The following ATAD2 variants were observed in gnomAD, a reference collection of about 807,000 sequenced individuals.
The protein encoded by ATAD2 is ATPase family AAA domain containing 2, also known as ATPase family AAA domain-containing protein 2.
ATAD2 carries 62 observed loss-of-function variants against 168.9 expected under a neutral mutation model. That is an observed-to-expected ratio of 0.37 (90% CI 0.30 to 0.45). The LOEUF is 0.45. Ranked by LOEUF, ATAD2 falls within the 20% of genes least tolerant of loss-of-function variation. ATAD2 has a pLI of 1.00. For synonymous variants in ATAD2, 613 were observed against 571.6 expected, an observed-to-expected ratio of 1.07 and a Z score of -1.03; for missense variants, 1,419 against 1,667.8, an observed-to-expected ratio of 0.85 and a Z score of 2.60.
intron 1 of ATAD2, among the ~76,000 whole-genome samples, chr8:123,389,982 ATAT>A (rs1435831355): frequency 5.3e-4 from 59 of 110,850 alleles, no homozygotes; most frequent in African/African-American, 1.5e-3. Context: ...ATATATATAT[ATAT>A]TTTTTTTTTT....
chr8:123,343,266 G>A (rs796733829), intron 19 of ATAD2, among the ~76,000 whole-genome samples: 8 of 152,054 alleles, frequency 5.3e-5, no homozygotes, highest in African/African-American at 1.7e-4. Flanking sequence ...GTGAACCACC[G>A]CATCCGGCCA....
intron 5 of ATAD2, 35 bp from the exon 6 acceptor site, chr8:123,371,025 G>A: frequency 6.9e-7 from 1 of 1,448,402 alleles, no homozygotes. Context: ...TTAACATTTG[G>A]AATCTATTTA....
chr8:123,411,292 G>A (rs1183513720), intron 1 of ATAD2, among the ~76,000 whole-genome samples: 1 of 152,106 alleles, frequency 6.6e-6, no homozygotes, highest in Non-Finnish European at 1.5e-5. Context: ...GCTAGCCCAT[G>A]CTCCGATGTT....
At chr8:123,337,053 CAAA>C (rs58960333) in intron 21 of ATAD2, among the ~76,000 whole-genome samples, 19 of 61,998 alleles carry the variant, frequency 3.1e-4, no homozygotes, top group Admixed American at 5.0e-4. Flanking sequence ...ACCCTTACTA[CAAA>C]AAAAAAAAAA....
Position 123,328,555 on chromosome 8 carries a change from T to C in ATAD2, c.3503A>G (p.Lys1168Arg). The C allele has an allele frequency of 6.5e-7, 1 of 1,540,996 alleles. No individual in the cohort carries two copies. Among genetic ancestry groups the C allele is most frequent in the South Asian group, 1.3e-5 (1 of 79,050 alleles). ...TPAQLKRKIR[K>R]KSNWYLGTIK... is the part of the protein sequence containing the mutation. ...GGTGCCTAAGTACCAGTTTGACTTTTTGCGAATTTTCCTCTTCAACTGAGC... is the reference window on the plus strand; with the variant it reads ...GGTGCCTAAGTACCAGTTTGACTTTCTGCGAATTTTCCTCTTCAACTGAGC... The change falls in exon 25 of 28, where the codon AAA becomes AGA. Residue 1168 changes from lysine to arginine, a missense_variant. Coordinates refer to ENST00000287394, the MANE Select transcript of ATAD2 (RefSeq NM_014109.4).
chr8:123,329,247 G>T (rs1206822255), intron 24 of ATAD2, among the ~76,000 whole-genome samples: 1 of 152,094 alleles, frequency 6.6e-6, no homozygotes, highest in Admixed American at 6.6e-5. Flanking sequence ...CACTTATTGA[G>T]CATTTATCAT....
At chr8:123,359,511 T>C (rs1828747609) in intron 10 of ATAD2, 66 bp downstream of exon 10, 1 of 1,451,526 alleles carries the variant, frequency 6.9e-7, no homozygotes, top group African/African-American at 1.4e-5. Context: ...GGTTCCTTTT[T>C]TTAACTTTAA....
chr8:123,408,617 A>G (rs1243897105), intron 1 of ATAD2, among the ~76,000 whole-genome samples: 1 of 152,088 alleles, frequency 6.6e-6, no homozygotes, highest in African/African-American at 2.4e-5. Flanking sequence ...CTGGGGTTCA[A>G]GCTATTCTCC....
At chr8:123,411,986 G>C (rs1168598932) in intron 1 of ATAD2, among the ~76,000 whole-genome samples, 1 of 152,166 alleles carries the variant, frequency 6.6e-6, no homozygotes, top group Non-Finnish European at 1.5e-5. Flanking sequence ...GATCCTGTGA[G>C]CATCTTTTGG....
chr8:123,344,788 A>T, intron 19 of ATAD2, 96 bp downstream of exon 19: 2 of 1,334,054 alleles, frequency 1.5e-6, no homozygotes, highest in Non-Finnish European at 2.1e-6. Context: ...CCTTTTATTC[A>T]CTTCTACAGC....
chr8:123,378,701 CAAAAA>C lies in ATAD2; in HGVS notation c.320+1823_320+1827del, dbSNP rs71808201. On this transcript the variant is annotated intron_variant, in intron 2 of 27. Coordinates refer to ENST00000287394, the MANE Select transcript of ATAD2 (RefSeq NM_014109.4). ...TGGGCAACAGAGCAAGACTGTGTCT[CAAAAA>C]AAAAAAAAAAAAAAAAAAATCAAAA... 3.0e-3 allele frequency among the ~76,000 whole-genome samples: 216 copies of C among 73,038 alleles called. 1 individual carries two copies. The South Asian group carries it at 0.063, about 21-fold the overall frequency. 47.9% of individuals were successfully genotyped at this position (73,038 alleles called of 152,430 possible).
At chr8:123,408,996 T>G (rs1813110913) in intron 1 of ATAD2, among the ~76,000 whole-genome samples, 1 of 151,892 alleles carries the variant, frequency 6.6e-6, no homozygotes, top group Non-Finnish European at 1.5e-5. Flanking sequence ...CCTAGCTAAT[T>G]GTTGTATTTT....
chr8:123,326,069 T>G (rs1048667906), intron 25 of ATAD2, 43 bp from the exon 26 acceptor site: 2 of 1,582,486 alleles, frequency 1.3e-6, no homozygotes, highest in Non-Finnish European at 8.7e-7. Flanking sequence ...TCCATAGATA[T>G]TATGATGTCT....
At chr8:123,370,090 G>T in intron 6 of ATAD2, 66 bp from the exon 7 acceptor site, 2 of 1,433,292 alleles carry the variant, frequency 1.4e-6, no homozygotes, top group Non-Finnish European at 1.9e-6. Context: ...TTTAACATAG[G>T]TGAGTTGGGA....
upstream of ATAD2, among the ~76,000 whole-genome samples, chr8:123,396,669 G>A (rs965622843): frequency 5.3e-5 from 8 of 152,240 alleles, no homozygotes; most frequent in Admixed American, 1.3e-4. Flanking sequence ...TCTTCACATA[G>A]TTCCGGCTCG....
At chr8:123,342,109 T>TAAATA (rs994141851) in intron 19 of ATAD2, among the ~76,000 whole-genome samples, 3 of 151,964 alleles carry the variant, frequency 2.0e-5, no homozygotes, top group East Asian at 1.9e-4. Context: ...AATAAACAAG[T>TAAATA]AAATAAAATA....
chr8:123,393,094 A>G (rs1315212369), intron 1 of ATAD2, among the ~76,000 whole-genome samples: 1 of 151,330 alleles, frequency 6.6e-6, no homozygotes, highest in East Asian at 2.0e-4. Context: ...CTGAAGCAGG[A>G]GAATGGCGTG....
At chr8:123,374,901 A>G (rs1829258014) in intron 2 of ATAD2, among the ~76,000 whole-genome samples, 1 of 152,202 alleles carries the variant, frequency 6.6e-6, no homozygotes, top group Non-Finnish European at 1.5e-5. Flanking sequence ...TCAAGTAAGT[A>G]AGTATGTAGA....
chr8:123,352,030 G>T (rs1473842384), intron 13 of ATAD2, among the ~76,000 whole-genome samples: 4 of 152,158 alleles, frequency 2.6e-5, no homozygotes, highest in Admixed American at 2.0e-4. Context: ...TTACAGGTGT[G>T]AGCCACCGTG....
Sources: gnomAD v4.1 joint callset for allele counts (sites outside exome capture counted in the v4.1 genomes callset) on GRCh38, gnomAD v4.1.1 for gene constraint, MANE v1.5 for transcripts, NCBI Gene and HGNC (gene_info 2026-07-23, HGNC 2026-07-21) for gene names.